ZNF618: variants seen among roughly 807,000 people sequenced by gnomAD.
ZNF618 encodes zinc finger protein 618, also known as neural precursor cell expressed, developmentally down-regulated 10.
ZNF618 carries 34 observed loss-of-function variants against 103.0 expected under a neutral mutation model. The observed-to-expected ratio is 0.33, with a 90% CI of 0.25 to 0.44. ZNF618 has a LOEUF of 0.44. ZNF618 is among the 20% of genes least tolerant of loss of function. ZNF618 has a pLI of 1.00. For synonymous variants in ZNF618, 551 were observed against 542.2 expected, an observed-to-expected ratio of 1.02 and a Z score of -0.23; for missense variants, 1,059 against 1,295.4, an observed-to-expected ratio of 0.82 and a Z score of 2.80.
At position 113,988,417 on chromosome 9, in the gene ZNF618, G is replaced by C; in HGVS notation, c.174G>C (p.Thr58=). The part of the protein sequence containing the change: ...ASLSAEQGTM[T]EVKVKTELPD... ...TGAGTGCCGAGCAAGGAACGATGAC[G>C]GAGGTGAAGGTGAAGACAGAGCTGC... is the stretch of plus-strand genomic sequence containing the variant. Residue 58 remains threonine, a synonymous_variant, in exon 3 of 15, where the codon ACG becomes ACC. Transcript: ENST00000374126. 1 of 1,613,658 alleles carries C rather than the reference G, an allele frequency of 6.2e-7. No homozygotes were observed.
chr9:113,992,133 C>T (rs977811286), intron 3 of ZNF618, among the ~76,000 whole-genome samples: 1 of 152,178 alleles, frequency 6.6e-6, no homozygotes, highest in Non-Finnish European at 1.5e-5. Context: ...TAAGTCCAAG[C>T]AGTTGCTACT....
intron 1 of ZNF618, among the ~76,000 whole-genome samples, chr9:113,908,036 T>C (rs1391712949): frequency 1.3e-5 from 2 of 152,086 alleles, no homozygotes; most frequent in African/African-American, 2.4e-5. Flanking sequence ...AAAACAAGGA[T>C]GACGCACAGT....
At chr9:114,029,058 C>T (rs1843769667) in intron 11 of ZNF618, 86 bp downstream of exon 11, 3 of 1,482,924 alleles carry the variant, frequency 2.0e-6, no homozygotes, top group African/African-American at 2.8e-5. Context: ...GTTGTTGTTG[C>T]CTTGCAAGAG....
intron 2 of ZNF618, among the ~76,000 whole-genome samples, chr9:113,987,264 A>T (rs1229986104): frequency 5.9e-5 from 9 of 152,128 alleles, no homozygotes; most frequent in Admixed American, 5.9e-4. Context: ...TGAAAGGAGG[A>T]TGCTTCAGGA....
chr9:114,026,053 C>T (rs773022593), intron 10 of ZNF618, among the ~76,000 whole-genome samples: 1 of 152,118 alleles, frequency 6.6e-6, no homozygotes, highest in Non-Finnish European at 1.5e-5. Context: ...AAAGGGAAGG[C>T]AAGAGGGGAC....
At position 113,985,030 on chromosome 9, in the gene ZNF618, C is replaced by T. The variant is rs551520197; in HGVS notation, c.78-3291C>T. Among the ~76,000 whole-genome samples the T allele has an allele frequency of 7.9e-5, 12 of 152,308 alleles. No individual in the cohort carries two copies. In the South Asian group the frequency reaches 2.1e-3, roughly 26 times the overall value. Reference sequence around the variant, plus strand: ...CTTCTGCACATGCCCCTCCCCTGCCCGCCATAAAAAAGACAAAGGTAGATA... The same window carrying T: ...CTTCTGCACATGCCCCTCCCCTGCCTGCCATAAAAAAGACAAAGGTAGATA... On this transcript the variant is annotated intron_variant, in intron 2 of 14. Transcript: ENST00000374126.
rs1841363868 is a variant in ZNF618 at position 114,002,731 on chromosome 9, T to G, written c.550+69T>G. 8 of 1,560,174 alleles carry G rather than the reference T, an allele frequency of 5.1e-6. No homozygotes were observed. The South Asian group carries it at 9.2e-5, about 18-fold the overall frequency. On this transcript the variant is annotated intron_variant, in intron 6 of 14. Coordinates refer to ENST00000374126, the MANE Select transcript of ZNF618 (RefSeq NM_001318042.2). ...TTGGGGTGGGATGAAGAGGAGCTGC[T>G]TGTCCCCTCCCCCAGAACTGCTCCA...
intron 1 of ZNF618, among the ~76,000 whole-genome samples, chr9:113,926,157 T>G (rs1833073693): frequency 6.6e-6 from 1 of 151,720 alleles, no homozygotes; most frequent in African/African-American, 2.4e-5. Context: ...GTGTTGTTTT[T>G]TTTTTTTTTC....
At chr9:113,951,502 C>A (rs1244195670) in intron 1 of ZNF618, among the ~76,000 whole-genome samples, 1 of 75,136 alleles carries the variant, frequency 1.3e-5, no homozygotes. Context: ...TGTATGTGTA[C>A]ACATATATGT....
At chr9:113,961,047 C>T (rs890189757) in intron 1 of ZNF618, among the ~76,000 whole-genome samples, 1 of 152,226 alleles carries the variant, frequency 6.6e-6, no homozygotes, top group African/African-American at 2.4e-5. Context: ...GCACGAGGTG[C>T]ATGTCGCTCC....
intron 1 of ZNF618, among the ~76,000 whole-genome samples, chr9:113,900,022 C>A (rs768421352): frequency 1.3e-5 from 2 of 151,978 alleles, no homozygotes; most frequent in Non-Finnish European, 2.9e-5. Flanking sequence ...TATGGTAATT[C>A]TGCATTTAAT....
chr9:114,034,205 G>T (rs570482250), intron 12 of ZNF618, among the ~76,000 whole-genome samples: 1 of 152,122 alleles, frequency 6.6e-6, no homozygotes, highest in Non-Finnish European at 1.5e-5. Flanking sequence ...ACTGCTTTGC[G>T]GAAGGGAATG....
chr9:113,978,477 T>G (rs944737154), intron 2 of ZNF618, among the ~76,000 whole-genome samples: 9 of 152,258 alleles, frequency 5.9e-5, no homozygotes, highest in African/African-American at 2.2e-4. Flanking sequence ...GTGGAAGAGG[T>G]GGGACCCTTC....
At chr9:114,004,047 G>A (rs1841501365) in intron 6 of ZNF618, among the ~76,000 whole-genome samples, 1 of 152,132 alleles carries the variant, frequency 6.6e-6, no homozygotes, top group Non-Finnish European at 1.5e-5. Context: ...CACAAAAAAA[G>A]ATTCTTAACA....
intron 1 of ZNF618, among the ~76,000 whole-genome samples, chr9:113,951,515 G>GTGTGCGCACATATATGTGTA (rs1564207712): frequency 2.7e-5 from 1 of 36,752 alleles, no homozygotes; most frequent in African/African-American, 7.6e-5. Flanking sequence ...ATATATGTGT[G>GTGTGCGCACATATATGTGTA]TATATGTACA....
At chr9:114,031,072 G>C (rs1287727754) in intron 11 of ZNF618, among the ~76,000 whole-genome samples, 1 of 152,156 alleles carries the variant, frequency 6.6e-6, no homozygotes, top group Non-Finnish European at 1.5e-5. Flanking sequence ...TCCAACCCCA[G>C]TAACTTGACA....
intron 2 of ZNF618, among the ~76,000 whole-genome samples, chr9:113,973,188 T>C (rs1027073132): frequency 2.0e-5 from 3 of 152,314 alleles, no homozygotes; most frequent in Non-Finnish European, 4.4e-5. Flanking sequence ...GCATTAGAGC[T>C]CATTTAATCC....
At chr9:113,951,551 A>ATATGTG (rs1430133742) in intron 1 of ZNF618, among the ~76,000 whole-genome samples, 4 of 51,234 alleles carry the variant, frequency 7.8e-5, no homozygotes, top group East Asian at 2.2e-3. Flanking sequence ...ATGTACACAT[A>ATATGTG]TGTGTGTGTA....
chr9:113,889,350 T>TCC (rs1554718055), intron 1 of ZNF618, among the ~76,000 whole-genome samples: 6 of 148,360 alleles, frequency 4.0e-5, no homozygotes, highest in Non-Finnish European at 7.4e-5. Flanking sequence ...TCTCTCTTTC[T>TCC]CTCCCTCCCT....
Sources: gnomAD v4.1 joint callset for allele counts (sites outside exome capture counted in the v4.1 genomes callset) on GRCh38, gnomAD v4.1.1 for gene constraint, MANE v1.5 for transcripts, NCBI Gene and HGNC (gene_info 2026-07-23, HGNC 2026-07-21) for gene names.